WHRN: variants seen among roughly 807,000 people sequenced by gnomAD.
WHRN encodes the protein whirlin, also known as CASK-interacting protein CIP98.
In WHRN, 41 loss-of-function variants were observed where a neutral mutation model predicts 68.3. That is an observed-to-expected ratio of 0.60 (90% confidence interval 0.47 to 0.78). WHRN has a LOEUF of 0.78. Ranked by LOEUF, WHRN falls within the 30% of genes least tolerant of loss-of-function variation. WHRN has a pLI of 0.00. For synonymous variants in WHRN, 560 were observed against 561.3 expected (o/e 1.00, Z 0.03); for missense variants, 1,243 against 1,244.7 (o/e 1.00, Z 0.02).
At chr9:114,403,087 A>G in intron 11 of WHRN, 130 bp downstream of exon 11, 1 of 1,544,918 alleles carries the variant, frequency 6.5e-7, no homozygotes, top group Non-Finnish European at 8.9e-7. Flanking sequence ...CCGGAAGAGC[A>G]AAGGTGACAT....
chr9:114,475,189 T>G (rs1247401699), intron 2 of WHRN, among the ~76,000 whole-genome samples: 1 of 152,070 alleles, frequency 6.6e-6, no homozygotes, highest in Non-Finnish European at 1.5e-5. Context: ...AGAACCAAGG[T>G]TTGAACCCAG....
Position 114,402,489 on chromosome 9 carries a change from C to T in WHRN, c.*265G>A, listed in dbSNP as rs1181421602. On this transcript the variant is annotated 3_prime_UTR_variant, in exon 12 of 12. Coordinates refer to ENST00000362057, the MANE Select transcript of WHRN (RefSeq NM_015404.4). ...AACCAGCACTCTGCCCTTCCTTTTC[C>T]TTTCTTCCTGTCTTGCAACCCACTT... 3.7e-6 allele frequency: 2 copies of T among 534,682 alleles called. No individual in the cohort carries two copies. Among genetic ancestry groups the T allele is most frequent in the East Asian group, 3.3e-5 (1 of 30,260 alleles). The allele number at this position is 534,682 out of a possible 1,614,324, so 33.1% of individuals were successfully genotyped here. A position where few individuals can be genotyped will look rare whatever the true frequency, so the allele number is the denominator to read the frequency against.
At chr9:114,504,160 ACT>A in intron 1 of WHRN, 22 bp downstream of exon 1, 1 of 1,613,116 alleles carries the variant, frequency 6.2e-7, no homozygotes, top group Non-Finnish European at 8.5e-7. Flanking sequence ...TCTGCCCCAG[ACT>A]CTCTCCAAAC....
At chr9:114,446,903 C>T (rs183453069) in intron 3 of WHRN, among the ~76,000 whole-genome samples, 39 of 152,116 alleles carry the variant, frequency 2.6e-4, no homozygotes, top group Non-Finnish European at 4.9e-4. Context: ...CCCCTTCCCC[C>T]TCCCTCCCCA....
At position 114,504,571 on chromosome 9, in the gene WHRN, G is replaced by C. The variant is rs752135647; in HGVS notation, c.231C>G (p.Thr77=). 6.2e-7 allele frequency: 1 copy of C among 1,611,530 alleles called. No individual in the cohort carries two copies. Among genetic ancestry groups the C allele is most frequent in the African/African-American group, 1.3e-5 (1 of 75,064 alleles). The part of the protein sequence containing the change: ...ARRNVFDLVR[T]LRVLLDSPVK... Reference sequence around the variant, plus strand: ...CCGGACTGTCCAGCAGCACGCGCAGGGTGCGCACCAGGTCGAAGACGTTGC... The same window carrying C: ...CCGGACTGTCCAGCAGCACGCGCAGCGTGCGCACCAGGTCGAAGACGTTGC... The change falls in exon 1 of 12, where the codon ACC becomes ACG. Residue 77 remains threonine (T), a synonymous_variant. Coordinates refer to ENST00000362057, the MANE Select transcript of WHRN (RefSeq NM_015404.4).
intron 2 of WHRN, among the ~76,000 whole-genome samples, chr9:114,469,740 C>A (rs551900289): frequency 6.6e-6 from 1 of 152,372 alleles, no homozygotes; most frequent in East Asian, 1.9e-4. Flanking sequence ...TAACAAATCA[C>A]CACAGTCAGA....
chr9:114,438,261 T>C (rs550674803), intron 3 of WHRN, among the ~76,000 whole-genome samples: 4 of 151,738 alleles, frequency 2.6e-5, no homozygotes, highest in South Asian at 4.2e-4. Context: ...CAGATTGAGA[T>C]CCTGTCTCAA....
At chr9:114,471,294 A>G (rs956228150) in intron 2 of WHRN, among the ~76,000 whole-genome samples, 1 of 152,162 alleles carries the variant, frequency 6.6e-6, no homozygotes, top group African/African-American at 2.4e-5. Context: ...TATATGCATT[A>G]CCTCATTGAA....
At position 114,402,633 on chromosome 9, in the gene WHRN, A is replaced by G; in HGVS notation, c.*121T>C. ...TCCAGTGGGCTGGGATGGAGGGGGG[A>G]TGTCTTCCTGCCACCCTGGCCATGC... On this transcript the variant is annotated 3_prime_UTR_variant, in exon 12 of 12. Coordinates refer to ENST00000362057, the MANE Select transcript of WHRN (RefSeq NM_015404.4). 1 of 1,241,042 alleles carries G rather than the reference A, an allele frequency of 8.1e-7. No individual in the cohort carries two copies. The highest frequency in any genetic ancestry group is 1.2e-5 in the South Asian group (1 of 82,760). The allele number at this position is 1,241,042 out of a possible 1,614,324, so 76.9% of individuals were successfully genotyped here.
chr9:114,438,077 T>A (rs1838022243), intron 3 of WHRN, among the ~76,000 whole-genome samples: 1 of 151,930 alleles, frequency 6.6e-6, no homozygotes, highest in Non-Finnish European at 1.5e-5. Context: ...CTACAAAAAA[T>A]ACAAAAAATT....
intron 1 of WHRN, among the ~76,000 whole-genome samples, chr9:114,489,359 G>C (rs1406100835): frequency 6.6e-6 from 1 of 152,102 alleles, no homozygotes; most frequent in African/African-American, 2.4e-5. Context: ...TTCTCTAGTA[G>C]AATGGAAATA....
intron 1 of WHRN, among the ~76,000 whole-genome samples, chr9:114,503,917 C>A (rs1445619197): frequency 1.3e-5 from 2 of 152,248 alleles, no homozygotes; most frequent in Non-Finnish European, 2.9e-5. Flanking sequence ...TGTAACCACA[C>A]ATTTGCTCAA....
Position 114,403,207 on chromosome 9 carries a change from G to A in WHRN, c.2541+10C>T. On this transcript the variant is annotated intron_variant, in intron 11 of 11. Coordinates refer to ENST00000362057, the MANE Select transcript of WHRN (RefSeq NM_015404.4). ...GGGAGAGATGGCAAGTGGGGCCCCTGGGGACATACCTGAATAGTGACAATC... is the reference window on the plus strand; with the variant it reads ...GGGAGAGATGGCAAGTGGGGCCCCTAGGGACATACCTGAATAGTGACAATC... 6.2e-7 allele frequency: 1 copy of A among 1,614,182 alleles called. No homozygotes were observed. Among genetic ancestry groups the A allele is most frequent in the Non-Finnish European group, 8.5e-7 (1 of 1,180,006 alleles).
chr9:114,458,065 C>T (rs1040801711), intron 3 of WHRN, among the ~76,000 whole-genome samples: 13 of 152,096 alleles, frequency 8.5e-5, no homozygotes, highest in Non-Finnish European at 1.5e-4. Context: ...CTTAGCAGAG[C>T]GTAATACATA....
chr9:114,451,756 T>C (rs1000489787), intron 3 of WHRN, among the ~76,000 whole-genome samples: 3 of 152,178 alleles, frequency 2.0e-5, no homozygotes, highest in African/African-American at 7.2e-5. Context: ...AGAGAAGGTA[T>C]GAGGAGAGGG....
At chr9:114,402,990 T>A (rs1834781573) in intron 11 of WHRN, 54 bp from the exon 12 acceptor site, 1 of 1,575,366 alleles carries the variant, frequency 6.3e-7, no homozygotes, top group Non-Finnish European at 8.6e-7. Flanking sequence ...CAGGCCTGGC[T>A]TTGACCACCA....
rs752151116 is a variant in WHRN at position 114,425,630 on chromosome 9, C to CACACAG, written c.1166+580_1166+581insCTGTGT. 1,998 of 232,222 alleles carry CACACAG rather than the reference C, an allele frequency of 8.6e-3. 16 individuals are homozygous for CACACAG. The highest frequency in any genetic ancestry group is 0.012 in the Admixed American group (230 of 19,030). 14.4% of individuals were successfully genotyped at this position (232,222 alleles called of 1,614,324 possible). On this transcript the variant is annotated intron_variant, in intron 4 of 11. Coordinates refer to ENST00000362057, the MANE Select transcript of WHRN (RefSeq NM_015404.4). ...ACACACACACACACACACACACACA[C>CACACAG]AGAGAGACACAGACAGACAGACAGA... is the stretch of plus-strand genomic sequence containing the variant.
intron 7 of WHRN, among the ~76,000 whole-genome samples, chr9:114,411,444 T>A (rs987543875): frequency 2.0e-5 from 3 of 152,128 alleles, no homozygotes; most frequent in East Asian, 3.9e-4. Context: ...CCCCAGGAAT[T>A]CAACCTGCAG....
intron 4 of WHRN, chr9:114,425,554 A>C (rs889502364): frequency 5.6e-5 from 15 of 268,442 alleles, no homozygotes; most frequent in Non-Finnish European, 8.6e-5. Flanking sequence ...AAAATGTTTA[A>C]TACTATGCAG....
Sources: allele counts gnomAD v4.1 joint callset (sites outside exome capture counted in the v4.1 genomes callset), GRCh38; gene constraint gnomAD v4.1.1; transcripts MANE v1.5; gene names NCBI Gene and HGNC (gene_info 2026-07-23, HGNC 2026-07-21).